The following COL9A1 variants were observed in gnomAD, a reference collection of about 807,000 sequenced individuals.
COL9A1 encodes collagen alpha-1(IX) chain.
COL9A1 carries 104 observed loss-of-function variants against 142.6 expected under a neutral mutation model. That is an observed-to-expected ratio of 0.73 (90% confidence interval 0.62 to 0.86). The LOEUF is 0.86. COL9A1 is among the 40% of genes least tolerant of loss of function. COL9A1 has a pLI of 0.00. For synonymous variants in COL9A1, 466 were observed against 396.0 expected (o/e 1.18, Z -2.10); for missense variants, 1,210 against 1,176.6 (o/e 1.03, Z -0.42).
At chr6:70,255,076 A>G in intron 23 of COL9A1, 60 bp from the exon 24 acceptor site, 8 of 1,613,216 alleles carry the variant, frequency 5.0e-6, no homozygotes, top group Non-Finnish European at 6.8e-6. Context: ...TTTTCCCTTC[A>G]TTATTTTCTA....
intron 4 of COL9A1, 141 bp downstream of exon 4, chr6:70,299,902 C>G (rs1773993860): frequency 1.3e-6 from 1 of 766,090 alleles, no homozygotes; most frequent in Non-Finnish European, 2.2e-6. Flanking sequence ...TGAAGATAGG[C>G]AGGTAAATAA....
Position 70,266,937 on chromosome 6 carries a change from C to A in COL9A1, c.1288-167G>T, listed in dbSNP as rs189323966. The stretch of plus-strand genomic sequence containing the variant: ...AATGACCTTAACAGCACCATGACTG[C>A]CATATATAATTAATATCAGTTTTAC... On this transcript the variant is annotated intron_variant, in intron 17 of 37. Coordinates refer to ENST00000357250, the MANE Select transcript of COL9A1 (RefSeq NM_001851.6). 2.4e-3 allele frequency among the ~76,000 whole-genome samples: 368 copies of A among 152,234 alleles called. 1 individual carries two copies. The highest frequency in any genetic ancestry group is 8.2e-3 in the African/African-American group (340 of 41,546).
At chr6:70,288,352 G>A (rs140417144) in intron 5 of COL9A1, among the ~76,000 whole-genome samples, 1 of 152,254 alleles carries the variant, frequency 6.6e-6, no homozygotes, top group Non-Finnish European at 1.5e-5. Context: ...AACCAAGGCT[G>A]TCTCTGCCTG....
intron 5 of COL9A1, among the ~76,000 whole-genome samples, chr6:70,287,472 C>A (rs1186533269): frequency 6.6e-6 from 1 of 152,136 alleles, no homozygotes; most frequent in Non-Finnish European, 1.5e-5. Context: ...AGTAAAGCAA[C>A]AAGAAGTGTT....
At chr6:70,282,759 G>A in intron 7 of COL9A1, 139 bp downstream of exon 7, 1 of 1,298,302 alleles carries the variant, frequency 7.7e-7, no homozygotes, top group Non-Finnish European at 1.1e-6. Context: ...CTCGCGGCAG[G>A]TGCTCGAGGC....
intron 1 of COL9A1, 45 bp from the exon 2 acceptor site, chr6:70,302,119 G>C (rs556712149): frequency 7.7e-7 from 1 of 1,304,420 alleles, no homozygotes; most frequent in Admixed American, 1.8e-5. Flanking sequence ...AGTCCCCGCA[G>C]ATGGAAAACA....
intron 33 of COL9A1, among the ~76,000 whole-genome samples, chr6:70,236,701 T>C (rs773960877): frequency 6.6e-6 from 1 of 152,218 alleles, no homozygotes; most frequent in Non-Finnish European, 1.5e-5. Context: ...CCAAAATTGC[T>C]TCTATGAAGA....
chr6:70,235,477 A>C (rs1191043243), intron 33 of COL9A1, among the ~76,000 whole-genome samples: 2 of 151,728 alleles, frequency 1.3e-5, no homozygotes, highest in Admixed American at 6.6e-5. Flanking sequence ...TAATAATAAT[A>C]ATCTTTCTTT....
At chr6:70,220,139 G>GTCATCA (rs147934773) in intron 37 of COL9A1, among the ~76,000 whole-genome samples, 5,877 of 151,210 alleles carry the variant, frequency 0.039, 146 homozygotes, top group Non-Finnish European at 0.058. Context: ...TTTTGATGAT[G>GTCATCA]TCATCATCAT....
intron 4 of COL9A1, among the ~76,000 whole-genome samples, chr6:70,296,091 TAAAC>T (rs902926497): frequency 1.3e-5 from 2 of 152,186 alleles, no homozygotes; most frequent in African/African-American, 4.8e-5. Context: ...TATAACAACA[TAAAC>T]AAATCTTTAA....
chr6:70,215,628 C>T (rs999778491), downstream of COL9A1: 1 of 152,102 alleles, frequency 6.6e-6, no homozygotes, highest in Non-Finnish European at 1.5e-5. Context: ...TCAGGAAATA[C>T]TTGTTAAGAA....
intron 21 of COL9A1, 38 bp downstream of exon 21, chr6:70,256,730 A>AC (rs777706137): frequency 6.2e-7 from 1 of 1,608,184 alleles, no homozygotes; most frequent in East Asian, 2.2e-5. Context: ...AAAAAAAAAA[A>AC]ATCTATCATT....
In COL9A1 at chr6:70,301,389, A is replaced by G. The variant is rs554303397; in HGVS notation, c.88+612T>C. ...TCAGGTGTTCAAGACCAGCCTGACCAACATGGTGAAAGCCCGTCTCTACTA... is the reference window on the plus strand; with the variant it reads ...TCAGGTGTTCAAGACCAGCCTGACCGACATGGTGAAAGCCCGTCTCTACTA... On this transcript the variant is annotated intron_variant, in intron 2 of 37. Coordinates refer to ENST00000357250, the MANE Select transcript of COL9A1 (RefSeq NM_001851.6). Among the ~76,000 whole-genome samples, 4 of 152,278 alleles carry G rather than the reference A, an allele frequency of 2.6e-5. No homozygotes were observed. The East Asian group carries it at 7.7e-4, about 29-fold the overall frequency.
At chr6:70,282,513 G>T (rs540071049) in intron 7 of COL9A1, among the ~76,000 whole-genome samples, 58 of 151,340 alleles carry the variant, frequency 3.8e-4, no homozygotes, top group African/African-American at 1.3e-3. Flanking sequence ...GAGAGGGAGC[G>T]TGCCTGGATT....
chr6:70,299,229 TTGAG>T (rs1583354167), intron 4 of COL9A1, among the ~76,000 whole-genome samples: 1 of 152,118 alleles, frequency 6.6e-6, no homozygotes, highest in Non-Finnish European at 1.5e-5. Context: ...TTTATATACA[TTGAG>T]TTTCTATATT....
chr6:70,291,727 C>T (rs1474292898), intron 5 of COL9A1, among the ~76,000 whole-genome samples: 1 of 152,098 alleles, frequency 6.6e-6, no homozygotes. Flanking sequence ...AGGAAAATCA[C>T]AAATGCCTTT....
intron 5 of COL9A1, among the ~76,000 whole-genome samples, chr6:70,288,337 G>C (rs1371255936): frequency 2.0e-5 from 3 of 152,022 alleles, no homozygotes; most frequent in Non-Finnish European, 4.4e-5. Flanking sequence ...TACCACCCTG[G>C]TCTAAACCAA....
chr6:70,216,819 C>A lies in COL9A1; in HGVS notation c.*78G>T. 1 of 1,479,696 alleles carries A rather than the reference C, an allele frequency of 6.8e-7. No individual in the cohort carries two copies. The highest frequency in any genetic ancestry group is 2.3e-5 in the East Asian group (1 of 43,782). 91.7% of individuals were successfully genotyped at this position (1,479,696 alleles called of 1,614,324 possible). A position where few individuals can be genotyped will look rare whatever the true frequency, so the allele number is the denominator to read the frequency against. ...ATGCTGAAGGTAATCATCTTTGCCC[C>A]AGCTTTGGATGGTGTTTCTCACCCA... On this transcript the variant is annotated 3_prime_UTR_variant, in exon 38 of 38. Coordinates refer to ENST00000357250, the MANE Select transcript of COL9A1 (RefSeq NM_001851.6).
intron 28 of COL9A1, among the ~76,000 whole-genome samples, chr6:70,250,193 G>A (rs147773235): frequency 0.012 from 1,843 of 152,096 alleles, 10 homozygotes; most frequent in Non-Finnish European, 0.02. Context: ...CCCAGGAGGT[G>A]GAGATTGCAG....
Sources: gnomAD v4.1 joint callset for allele counts (sites outside exome capture counted in the v4.1 genomes callset) on GRCh38, gnomAD v4.1.1 for gene constraint, MANE v1.5 for transcripts, NCBI Gene and HGNC (gene_info 2026-07-23, HGNC 2026-07-21) for gene names.